Variants in MEX3A observed in about 807,000 individuals in gnomAD.
MEX3A encodes the protein mex-3 RNA binding family member A, also known as RNA-binding protein MEX3A.
Under a neutral mutation model 30.0 loss-of-function variants are expected in MEX3A, and 4 were observed. The observed-to-expected ratio is 0.13, with a 90% CI of 0.07 to 0.30. The LOEUF (loss-of-function observed/expected upper bound fraction) is 0.30, where lower values mean the gene tolerates loss of function less well. MEX3A is among the 10% of genes least tolerant of loss of function. The pLI, the probability that MEX3A is intolerant of heterozygous loss-of-function variation, is 1.00. For missense variants in MEX3A, 555 were observed against 736.7 expected (o/e 0.75, Z 2.86); for synonymous variants, 335 against 327.6 (o/e 1.02, Z -0.24).
rs919336838 is a variant in MEX3A at position 156,072,401 on chromosome 1, A to G, written c.*4173T>C. ...TTCTAGGACAAAAAGAGCAGGGGGAATCTGTCCCTAGGTGGGGCGAGAAGA... is the reference window on the plus strand; with the variant it reads ...TTCTAGGACAAAAAGAGCAGGGGGAGTCTGTCCCTAGGTGGGGCGAGAAGA... On this transcript the variant is annotated 3_prime_UTR_variant, in exon 2 of 2. Transcript: ENST00000532414. 4 of 152,390 alleles carry G rather than the reference A, an allele frequency of 2.6e-5. No homozygotes were observed. Among genetic ancestry groups the G allele is most frequent in the Admixed American group, 2.0e-4 (3 of 15,272 alleles). 9.4% of individuals were successfully genotyped at this position (152,390 alleles called of 1,614,324 possible).
intron 1 of MEX3A, among the ~76,000 whole-genome samples, chr1:156,079,175 G>C (rs767286487): frequency 3.3e-5 from 5 of 151,972 alleles, no homozygotes; most frequent in Admixed American, 2.0e-4. Flanking sequence ...ATTGGGGGGT[G>C]AGGGGAAGAG....
Position 156,077,628 on chromosome 1 carries a change from A to G in MEX3A, c.509T>C (p.Val170Ala). The change falls in exon 2 of 2, where the codon GTG becomes GCG. Residue 170 changes from valine to alanine, a missense_variant. Val to Ala is a moderately conservative substitution (Grantham distance 64). Transcript: ENST00000532414. The surrounding 1 kb of genome is among the most constrained non-coding windows in gnomAD (Gnocchi z 8.3). ...CATGAACACTGGTTCCTCGCCCCTC[A>G]CCGGTGTCTTGATGTAGGTGTTGGT... Reference protein sequence around the residue: ...AKTNTYIKTPVRGEEPVFMVT... With the variant: ...AKTNTYIKTPARGEEPVFMVT... 1 of 1,607,066 alleles carries G rather than the reference A, an allele frequency of 6.2e-7. No individual in the cohort carries two copies. The highest frequency in any genetic ancestry group is 8.5e-7 in the Non-Finnish European group (1 of 1,179,320).
In MEX3A at chr1:156,077,076, G is replaced by A. The variant is rs373372520; in HGVS notation, c.1061C>T (p.Pro354Leu). Reference sequence around the variant, plus strand: ...GTCCCCGCCCTGCTCACCCAGGCGTGGGGCCTCAAAGCCAGAGTCCACTCC... The same window carrying A: ...GTCCCCGCCCTGCTCACCCAGGCGTAGGGCCTCAAAGCCAGAGTCCACTCC... ...ECGVDSGFEA[P>L]RLGEQGGDFG... The change falls in exon 2 of 2, where the codon CCA becomes CTA. Residue 354 changes from proline to leucine, a missense_variant. By Grantham distance (98) the Pro-to-Leu change is moderately conservative. Coordinates refer to ENST00000532414, the MANE Select transcript of MEX3A (RefSeq NM_001093725.2). This position sits in a 1 kb window ranked among gnomAD's most constrained non-coding sequence, Gnocchi z 8.3. 19 of 1,613,778 alleles carry A rather than the reference G, an allele frequency of 1.2e-5. No individual in the cohort carries two copies. Among genetic ancestry groups the A allele is most frequent in the Non-Finnish European group, 1.4e-5 (17 of 1,179,842 alleles).
At chr1:156,078,687 C>T (rs1186164175) in intron 1 of MEX3A, among the ~76,000 whole-genome samples, 1 of 152,190 alleles carries the variant, frequency 6.6e-6, no homozygotes, top group East Asian at 1.9e-4. Context: ...TCCCTCTCCT[C>T]CTTACCCACC....
rs745455828 is a variant in MEX3A, at chr1:156,076,935, G to A, written c.1202C>T (p.Thr401Ile). 1.0e-5 allele frequency: 16 copies of A among 1,602,864 alleles called. No individual in the cohort carries two copies. The highest frequency in any genetic ancestry group is 1.4e-5 in the Non-Finnish European group (16 of 1,174,728). The change falls in exon 2 of 2, where the codon ACC becomes ATC. Residue 401 changes from threonine to isoleucine, a missense_variant. This residue lies in a region of MEX3A where 281 missense variants were observed against 265.1 expected (regional missense o/e 1.06). Transcript: ENST00000532414. This position sits in a 1 kb window ranked among gnomAD's most constrained non-coding sequence, Gnocchi z 6.0. ...LWAGQENATP[T>I]SVLFSSASSS... ...GGAGGCAGAGGAGAAGAGCACGGAG[G>A]TGGGCGTGGCGTTCTCCTGGCCCGC...
chr1:156,081,856 A>C lies in MEX3A; in HGVS notation c.143T>G (p.Leu48Arg). The C allele has an allele frequency of 2.2e-6, 3 of 1,371,786 alleles. No homozygotes were observed. Among genetic ancestry groups the C allele is most frequent in the African/African-American group, 1.6e-5 (1 of 64,374 alleles). 85.0% of individuals were successfully genotyped at this position (1,371,786 alleles called of 1,614,324 possible). Residue 48 changes from leucine (L) to arginine (R), a missense_variant, in exon 1 of 2, where the codon CTG (leucine) becomes CGG (arginine). Physicochemically the swap from Leu to Arg is moderately radical, Grantham distance 102. This residue lies in a region of MEX3A where 159 missense variants were observed against 159.9 expected (regional missense o/e 0.99). Transcript: ENST00000532414. ...GGGGGCGGGGGGCTCCCCCAAACCC[A>C]GGAGGCAGAGTTGATCGAGAGCCAG... The part of the protein sequence containing the change: ...LQLALDQLCL[L>R]GLGEPPAPTA...
Position 156,076,194 on chromosome 1 carries a change from C to G in MEX3A, c.*380G>C. The stretch of plus-strand genomic sequence containing the variant: ...AATTCTCCCTCTCCCTTTTACCCAC[C>G]CCCTCCTCGGAAGAAGGGGTGGAGT... On this transcript the variant is annotated 3_prime_UTR_variant, in exon 2 of 2. Transcript: ENST00000532414. The surrounding 1 kb of genome is among the most constrained non-coding windows in gnomAD (Gnocchi z 6.0). The G allele has an allele frequency of 5.4e-6, 1 of 186,024 alleles. No homozygotes were observed. Among genetic ancestry groups the G allele is most frequent in the Non-Finnish European group, 1.1e-5 (1 of 89,862 alleles). 11.5% of individuals were successfully genotyped at this position (186,024 alleles called of 1,614,324 possible). A position where few individuals can be genotyped will look rare whatever the true frequency, so the allele number is the denominator to read the frequency against.
chr1:156,077,456 A>T lies in MEX3A; in HGVS notation c.681T>A (p.Arg227=). Residue 227 remains arginine, a synonymous_variant, in exon 2 of 2, where the codon CGT becomes CGA. Transcript: ENST00000532414. The surrounding 1 kb of genome is among the most constrained non-coding windows in gnomAD (Gnocchi z 8.3). ...CCACCACGCGGTAGGGCACCCGCAC[A>T]CGGATGGTCACCTGGCCGGGCAGAG... ...APALPGQVTI[R]VRVPYRVVGL... 1 of 1,613,570 alleles carries T rather than the reference A, an allele frequency of 6.2e-7. No homozygotes were observed. The highest frequency in any genetic ancestry group is 8.5e-7 in the Non-Finnish European group (1 of 1,179,714).
Position 156,076,944 on chromosome 1 carries a change from G to T in MEX3A, c.1193C>A (p.Ala398Asp), listed in dbSNP as rs775110573. ...SPPLWAGQEN[A>D]TPTSVLFSSA... is the part of the protein sequence containing the mutation. Reference sequence around the variant, plus strand: ...GGAGAAGAGCACGGAGGTGGGCGTGGCGTTCTCCTGGCCCGCCCACAGCGG... The same window carrying T: ...GGAGAAGAGCACGGAGGTGGGCGTGTCGTTCTCCTGGCCCGCCCACAGCGG... The change falls in exon 2 of 2, where the codon GCC becomes GAC. Residue 398 changes from alanine (A) to aspartate (D), a missense_variant. This residue lies in a region of MEX3A where 281 missense variants were observed against 265.1 expected (regional missense o/e 1.06). Coordinates refer to ENST00000532414, the MANE Select transcript of MEX3A (RefSeq NM_001093725.2). This position sits in a 1 kb window ranked among gnomAD's most constrained non-coding sequence, Gnocchi z 6.0. 3.1e-5 allele frequency: 50 copies of T among 1,606,420 alleles called. No individual in the cohort carries two copies. Among genetic ancestry groups the T allele is most frequent in the Non-Finnish European group, 4.0e-5 (47 of 1,176,526 alleles).
At position 156,072,847 on chromosome 1, in the gene MEX3A, C is replaced by T. The variant is rs527521303; in HGVS notation, c.*3727G>A. 187 of 152,500 alleles carry T rather than the reference C, an allele frequency of 1.2e-3. No homozygotes were observed. The highest frequency in any genetic ancestry group is 2.1e-3 in the Non-Finnish European group (142 of 68,032). The allele number at this position is 152,500 out of a possible 1,614,324, so 9.4% of individuals were successfully genotyped here. A position where few individuals can be genotyped will look rare whatever the true frequency, so the allele number is the denominator to read the frequency against. ...CAAGGACAGTGTTTCCACTCCACTC[C>T]GTGGGAAGTCCTTCTTGGAATCTAA... is the stretch of plus-strand genomic sequence containing the variant. On this transcript the variant is annotated 3_prime_UTR_variant, in exon 2 of 2. Coordinates refer to ENST00000532414, the MANE Select transcript of MEX3A (RefSeq NM_001093725.2).
At position 156,077,336 on chromosome 1, in the gene MEX3A, C is replaced by T. The variant is rs1648107483; in HGVS notation, c.801G>A (p.Val267=). 3 of 1,613,918 alleles carry T rather than the reference C, an allele frequency of 1.9e-6. No homozygotes were observed. The African/African-American group carries it at 4.0e-5, about 21-fold the overall frequency. ...TGCCTGGGGCACCCGTGATCTCGAA[C>T]ACGGGGTCGCGGTCACGGCTTGGTG... ...IITPSRDRDP[V]FEITGAPGNV... Residue 267 remains valine, a synonymous_variant, in exon 2 of 2, where the codon GTG becomes GTA. Transcript: ENST00000532414. This position sits in a 1 kb window ranked among gnomAD's most constrained non-coding sequence, Gnocchi z 8.3.
intron 1 of MEX3A, 78 bp downstream of exon 1, chr1:156,081,467 G>C (rs1572301418): frequency 7.8e-7 from 1 of 1,280,350 alleles, no homozygotes. Context: ...GGCAAGAAGG[G>C]AAGAAATGAA....
At position 156,077,754 on chromosome 1, in the gene MEX3A, C is replaced by A; in HGVS notation, c.455-72G>T. The A allele has an allele frequency of 6.7e-7, 1 of 1,483,494 alleles. No homozygotes were observed. Among genetic ancestry groups the A allele is most frequent in the South Asian group, 1.4e-5 (1 of 72,732 alleles). The allele number at this position is 1,483,494 out of a possible 1,614,324, so 91.9% of individuals were successfully genotyped here. A position where few individuals can be genotyped will look rare whatever the true frequency, so the allele number is the denominator to read the frequency against. ...AGGTTTGTGCTGGGACCAATAAATT[C>A]CTGATCCTTACCCAAATACCTAGCC... On this transcript the variant is annotated intron_variant, in intron 1 of 1. Coordinates refer to ENST00000532414, the MANE Select transcript of MEX3A (RefSeq NM_001093725.2). This position sits in a 1 kb window ranked among gnomAD's most constrained non-coding sequence, Gnocchi z 8.3.
At chr1:156,081,360 A>C (rs1288501410) in intron 1 of MEX3A, among the ~76,000 whole-genome samples, 185 bp downstream of exon 1, 4 of 152,168 alleles carry the variant, frequency 2.6e-5, no homozygotes, top group African/African-American at 9.6e-5. Context: ...GATCTGGAGA[A>C]CCGTCCCGAC....
Position 156,073,891 on chromosome 1 carries a change from T to G in MEX3A, c.*2683A>C, listed in dbSNP as rs78447160. 0.021 allele frequency: 3,147 copies of G among 152,838 alleles called. 37 individuals are homozygous for G. The highest frequency in any genetic ancestry group is 0.031 in the Non-Finnish European group (2,113 of 68,024). 9.5% of individuals were successfully genotyped at this position (152,838 alleles called of 1,614,324 possible). On this transcript the variant is annotated 3_prime_UTR_variant, in exon 2 of 2. Coordinates refer to ENST00000532414, the MANE Select transcript of MEX3A (RefSeq NM_001093725.2). The stretch of plus-strand genomic sequence containing the variant: ...ACACCCCAGGATCCTCAGTCCTTAG[T>G]CCTACAGCTTCTTCCTTTCTTGTTA...
At position 156,081,669 on chromosome 1, in the gene MEX3A, C is replaced by T. The variant is rs1285803704; in HGVS notation, c.330G>A (p.Ala110=). Residue 110 remains alanine, a synonymous_variant, in exon 1 of 2, where the codon GCG becomes GCA. Transcript: ENST00000532414. The stretch of plus-strand genomic sequence containing the variant: ...AGAGAGCGCAGAGCTTGGCGTCGCT[C>T]GCCCCTTTGGGGGCGGTGGGGGGCT... ...TPQPPTAPKG[A]SDAKLCALYK... 7.3e-6 allele frequency: 11 copies of T among 1,500,672 alleles called. No homozygotes were observed. Among genetic ancestry groups the T allele is most frequent in the South Asian group, 3.7e-5 (3 of 81,744 alleles). The allele number at this position is 1,500,672 out of a possible 1,614,324, so 93.0% of individuals were successfully genotyped here.
rs1252839859 is a variant in MEX3A, at chr1:156,077,782, C to G, written c.455-100G>C. 2.1e-6 allele frequency: 3 copies of G among 1,442,560 alleles called. No individual in the cohort carries two copies. The highest frequency in any genetic ancestry group is 2.7e-6 in the Non-Finnish European group (3 of 1,099,270). The allele number at this position is 1,442,560 out of a possible 1,614,324, so 89.4% of individuals were successfully genotyped here. On this transcript the variant is annotated intron_variant, in intron 1 of 1. Transcript: ENST00000532414. The surrounding 1 kb of genome is among the most constrained non-coding windows in gnomAD (Gnocchi z 8.3). ...GATCCTTACCCAAATACCTAGCCTC[C>G]CAGGAACACTTCAGTCTACCCTTTG...
Position 156,076,469 on chromosome 1 carries a change from C to G in MEX3A, c.*105G>C. Reference sequence around the variant, plus strand: ...CCCCTTCCCCAGCGAGCGAGTATCTCTAAGCACCTTGCCCCTCAAATCACC... The same window carrying G: ...CCCCTTCCCCAGCGAGCGAGTATCTGTAAGCACCTTGCCCCTCAAATCACC... On this transcript the variant is annotated 3_prime_UTR_variant, in exon 2 of 2. Coordinates refer to ENST00000532414, the MANE Select transcript of MEX3A (RefSeq NM_001093725.2). This position sits in a 1 kb window ranked among gnomAD's most constrained non-coding sequence, Gnocchi z 6.0. 4.8e-6 allele frequency: 6 copies of G among 1,249,726 alleles called. No individual in the cohort carries two copies. Among genetic ancestry groups the G allele is most frequent in the South Asian group, 1.5e-5 (1 of 64,780 alleles). 77.4% of individuals were successfully genotyped at this position (1,249,726 alleles called of 1,614,324 possible).
chr1:156,082,340 A>G lies in MEX3A; in HGVS notation c.-342T>C, dbSNP rs971151411. On this transcript the variant is annotated 5_prime_UTR_variant, in exon 1 of 2. Coordinates refer to ENST00000532414, the MANE Select transcript of MEX3A (RefSeq NM_001093725.2). The stretch of plus-strand genomic sequence containing the variant: ...TCTGCCCCCACCCCTCCCGCCTCGG[A>G]CCTGGGAGTCTCTAGCCCCCGCTGT... Among the ~76,000 whole-genome samples, 1 of 151,398 alleles carries G rather than the reference A, an allele frequency of 6.6e-6. No homozygotes were observed. The highest frequency in any genetic ancestry group is 1.5e-5 in the Non-Finnish European group (1 of 67,778).
Sources: gnomAD v4.1 joint callset for allele counts (sites outside exome capture counted in the v4.1 genomes callset) on GRCh38, gnomAD v4.1.1 for gene constraint, gnomAD v4.1.1 regional missense constraint, Gnocchi (gnomAD v3.1) non-coding constraint, MANE v1.5 for transcripts, NCBI Gene and HGNC (gene_info 2026-07-23, HGNC 2026-07-21) for gene names.